Variants in GRIA4 observed in about 807,000 individuals in gnomAD.
The protein encoded by GRIA4 is glutamate ionotropic receptor AMPA type subunit 4.
In GRIA4, 34 loss-of-function variants were observed where a neutral mutation model predicts 104.0. The observed-to-expected ratio is 0.33, with a 90% CI of 0.25 to 0.44. The LOEUF (loss-of-function observed/expected upper bound fraction) is 0.44. GRIA4 is among the 20% of genes least tolerant of loss of function. The pLI, the probability that GRIA4 is intolerant of heterozygous loss-of-function variation, is 1.00. For missense variants in GRIA4, 750 were observed against 1,096.5 expected (o/e 0.68, Z 4.46); for synonymous variants, 386 against 381.9 (o/e 1.01, Z -0.13).
intron 3 of GRIA4, among the ~76,000 whole-genome samples, chr11:105,740,692 G>C (rs369680256): frequency 7.9e-5 from 12 of 152,294 alleles, no homozygotes; most frequent in African/African-American, 2.9e-4. Flanking sequence ...GTCAGAAACG[G>C]TCTCCCTGAG....
chr11:105,701,560 A>C (rs1050761785), intron 3 of GRIA4, among the ~76,000 whole-genome samples: 1 of 152,070 alleles, frequency 6.6e-6, no homozygotes, highest in Admixed American at 6.6e-5. Flanking sequence ...GAGAGAGTGC[A>C]TGTGTTCATA....
At chr11:105,691,866 C>G (rs985005196) in intron 3 of GRIA4, among the ~76,000 whole-genome samples, 2 of 132,640 alleles carry the variant, frequency 1.5e-5, no homozygotes, top group Admixed American at 1.8e-4. Flanking sequence ...ACCAGGGAGG[C>G]GGAGGTTGCA....
intron 4 of GRIA4, among the ~76,000 whole-genome samples, chr11:105,797,133 C>T (rs1447697148): frequency 6.6e-6 from 1 of 151,882 alleles, no homozygotes; most frequent in Non-Finnish European, 1.5e-5. Context: ...GGCTTAAGCC[C>T]AGGAAGTAAA....
intron 14 of GRIA4, 75 bp from the exon 15 acceptor site, chr11:105,971,839 C>A (rs568965254): frequency 8.5e-6 from 8 of 937,108 alleles, no homozygotes; most frequent in Admixed American, 2.0e-5. Flanking sequence ...CTTTGCCATG[C>A]GATTCTAATG....
At chr11:105,711,556 C>T (rs989884657) in intron 3 of GRIA4, among the ~76,000 whole-genome samples, 3 of 152,074 alleles carry the variant, frequency 2.0e-5, no homozygotes, top group South Asian at 2.1e-4. Flanking sequence ...ATACTCTCAC[C>T]GGCGAAATAA....
At chr11:105,810,157 T>C in intron 4 of GRIA4, among the ~76,000 whole-genome samples, 1 of 152,170 alleles carries the variant, frequency 6.6e-6, no homozygotes, top group Admixed American at 6.6e-5. Flanking sequence ...AGCATGGAGT[T>C]CTACTTAAGG....
At chr11:105,788,803 C>T (rs11226850) in intron 4 of GRIA4, among the ~76,000 whole-genome samples, 6,876 of 152,122 alleles carry the variant, frequency 0.045, 390 homozygotes, top group African/African-American at 0.13. Flanking sequence ...CACTGCTAGT[C>T]AATATCTCCG....
chr11:105,917,427 TAAAAAC>T (rs1048856215), intron 10 of GRIA4, among the ~76,000 whole-genome samples: 5 of 152,204 alleles, frequency 3.3e-5, no homozygotes, highest in African/African-American at 1.2e-4. Context: ...ATGAAGTACT[TAAAAAC>T]AAAATCAGAA....
chr11:105,632,825 GT>G (rs1951070029), intron 3 of GRIA4, among the ~76,000 whole-genome samples: 1 of 152,120 alleles, frequency 6.6e-6, no homozygotes, highest in South Asian at 2.1e-4. Flanking sequence ...TGTTAAAAGT[GT>G]TTAGGCATGG....
In GRIA4 at chr11:105,642,368, T is replaced by C. The variant is rs577332608; in HGVS notation, c.247+29934T>C. Among the ~76,000 whole-genome samples the C allele has an allele frequency of 3.3e-5, 5 of 152,122 alleles. No homozygotes were observed. The East Asian group carries it at 9.7e-4, about 30-fold the overall frequency. On this transcript the variant is annotated intron_variant, in intron 3 of 16. Coordinates refer to ENST00000282499, the MANE Select transcript of GRIA4 (RefSeq NM_000829.4). ...TTATGAAACAAGCTTGTATGTACAC[T>C]TTGAGTCTGTTAAATATTATGGTGA...
intron 4 of GRIA4, among the ~76,000 whole-genome samples, chr11:105,796,047 A>G (rs1942466337): frequency 6.6e-6 from 1 of 152,146 alleles, no homozygotes; most frequent in South Asian, 2.1e-4. Flanking sequence ...TTCAGTTTTG[A>G]CGTAGTGACT....
intron 14 of GRIA4, among the ~76,000 whole-genome samples, chr11:105,964,806 TTTGTTTGTTTTTG>T (rs1386800117): frequency 5.1e-5 from 7 of 138,076 alleles, no homozygotes; most frequent in African/African-American, 2.3e-4. Context: ...TTTTTTTTTG[TTTGTTTGTTTTTG>T]TTTTGAGACG....
chr11:105,922,963 C>T (rs1947606951), intron 11 of GRIA4, among the ~76,000 whole-genome samples: 1 of 152,182 alleles, frequency 6.6e-6, no homozygotes, highest in East Asian at 1.9e-4. Flanking sequence ...TATATATGGG[C>T]TTTTATGATT....
chr11:105,816,904 T>C (rs140702641), intron 4 of GRIA4, among the ~76,000 whole-genome samples: 127 of 152,206 alleles, frequency 8.3e-4, no homozygotes, highest in African/African-American at 3.0e-3. Flanking sequence ...TAGTCCTAGA[T>C]ACTCAGGAGG....
chr11:105,623,397 C>T (rs973969241), intron 3 of GRIA4, among the ~76,000 whole-genome samples: 2 of 151,932 alleles, frequency 1.3e-5, no homozygotes, highest in Admixed American at 6.6e-5. Flanking sequence ...CGGGGGTACC[C>T]TTCTGAATTT....
Position 105,933,850 on chromosome 11 carries a change from C to T in GRIA4, c.2175C>T (p.Leu725=). 2 of 1,613,598 alleles carry T rather than the reference C, an allele frequency of 1.2e-6. No homozygotes were observed. Among genetic ancestry groups the T allele is most frequent in the Non-Finnish European group, 8.5e-7 (1 of 1,179,714 alleles). ...AATCCAAGGGCAAATTTGCCTTTCT[C>T]CTGGAGTCCACTATGAATGAATACA... ...VRKSKGKFAF[L]LESTMNEYIE... The change falls in exon 14 of 17, where the codon CTC becomes CTT. Residue 725 remains leucine, a synonymous_variant. Transcript: ENST00000282499.
intron 4 of GRIA4, among the ~76,000 whole-genome samples, chr11:105,762,884 T>A (rs1484649216): frequency 6.6e-6 from 1 of 152,184 alleles, no homozygotes; most frequent in African/African-American, 2.4e-5. Context: ...ATCAGCAGCG[T>A]GAGAACAGGC....
At chr11:105,809,165 T>TA (rs1196778244) in intron 4 of GRIA4, among the ~76,000 whole-genome samples, 1 of 152,056 alleles carries the variant, frequency 6.6e-6, no homozygotes, top group Non-Finnish European at 1.5e-5. Context: ...AATTTTAAAA[T>TA]AAAAAAATTT....
intron 3 of GRIA4, among the ~76,000 whole-genome samples, chr11:105,726,649 G>A (rs1004634769): frequency 6.6e-6 from 1 of 152,082 alleles, no homozygotes; most frequent in African/African-American, 2.4e-5. Context: ...CTGGCATCTG[G>A]TGGGTCCCCC....
Sources: allele counts gnomAD v4.1 joint callset (sites outside exome capture counted in the v4.1 genomes callset), GRCh38; gene constraint gnomAD v4.1.1; transcripts MANE v1.5; gene names NCBI Gene and HGNC (gene_info 2026-07-23, HGNC 2026-07-21).